The following IFFO2 variants were observed in gnomAD, a reference collection of about 807,000 sequenced individuals.
IFFO2 encodes the protein intermediate filament family orphan 2.
IFFO2 carries 19 observed loss-of-function variants against 53.5 expected under a neutral mutation model. The ratio of observed to expected loss-of-function variants is 0.36; its 90% CI spans 0.25 to 0.52. The LOEUF is 0.52. IFFO2 is among the 20% of genes least tolerant of loss of function. The pLI, the probability that IFFO2 is intolerant of heterozygous loss-of-function variation, is 0.94. For synonymous variants in IFFO2, 303 were observed against 313.6 expected (o/e 0.97, Z 0.36); for missense variants, 570 against 727.4 (o/e 0.78, Z 2.49).
At position 18,935,038 on chromosome 1, in the gene IFFO2, T is replaced by G. The variant is rs570130291; in HGVS notation, c.666-13917A>C. 2.6e-5 allele frequency among the ~76,000 whole-genome samples: 4 copies of G among 152,312 alleles called. No homozygotes were observed. In the East Asian group the frequency reaches 7.7e-4, roughly 29 times the overall value. ...CTCTAAAGAGCCATGTGTGACGTGT[T>G]AGAGAGAACGCTCTCTGGCATTCTC... On this transcript the variant is annotated intron_variant, in intron 1 of 8. Coordinates refer to ENST00000455833, the MANE Select transcript of IFFO2 (RefSeq NM_001136265.2).
At position 18,933,939 on chromosome 1, in the gene IFFO2, G is replaced by A. The variant is rs531520523; in HGVS notation, c.666-12818C>T. On this transcript the variant is annotated intron_variant, in intron 1 of 8. Coordinates refer to ENST00000455833, the MANE Select transcript of IFFO2 (RefSeq NM_001136265.2). ...AGTAGTACCCCGTACCCCTCTCCCC[G>A]CAGCCCCTGGCAACCACCCTTCTAC... Among the ~76,000 whole-genome samples, 7 of 150,098 alleles carry A rather than the reference G, an allele frequency of 4.7e-5. No individual in the cohort carries two copies. In the East Asian group the frequency reaches 5.9e-4, roughly 13 times the overall value.
rs945554670 is a variant in IFFO2, at chr1:18,939,823, T to C, written c.665+15845A>G. On this transcript the variant is annotated intron_variant, in intron 1 of 8. Coordinates refer to ENST00000455833, the MANE Select transcript of IFFO2 (RefSeq NM_001136265.2). ...ATCATGGTTAGACACCAGGAAGCAC[T>C]TCCCAATGGAAAAGGCCACAAGGAC... 5.9e-5 allele frequency among the ~76,000 whole-genome samples: 9 copies of C among 152,290 alleles called. No individual in the cohort carries two copies. The South Asian group carries it at 1.7e-3, about 28-fold the overall frequency.
rs1936608486 is a variant in IFFO2 at position 18,947,731 on chromosome 1, AGCC to A, written c.665+7934_665+7936del. On this transcript the variant is annotated intron_variant, in intron 1 of 8. Transcript: ENST00000455833. This position sits in a 1 kb window ranked among gnomAD's most constrained non-coding sequence, Gnocchi z 5.0. ...GACAGGCCTGCTACAGTGGCCCGGG[AGCC>A]TCATCTGCCTGCTACTGCCAGTGAT... is the stretch of plus-strand genomic sequence containing the variant. 2.0e-5 allele frequency among the ~76,000 whole-genome samples: 3 copies of A among 152,244 alleles called. No homozygotes were observed. The highest frequency in any genetic ancestry group is 2.9e-5 in the Non-Finnish European group (2 of 68,040).
chr1:18,917,417 T>C lies in IFFO2; in HGVS notation c.964-375A>G, dbSNP rs907726234. The stretch of plus-strand genomic sequence containing the variant: ...GAGATGGAGAACCCCTGACAAAGGC[T>C]ATACGGCCCCATGCTGACCAGAGCC... On this transcript the variant is annotated intron_variant, in intron 4 of 8. Coordinates refer to ENST00000455833, the MANE Select transcript of IFFO2 (RefSeq NM_001136265.2). This position sits in a 1 kb window ranked among gnomAD's most constrained non-coding sequence, Gnocchi z 5.9. 6.6e-6 allele frequency among the ~76,000 whole-genome samples: 1 copy of C among 152,134 alleles called. No homozygotes were observed. The highest frequency in any genetic ancestry group is 2.4e-5 in the African/African-American group (1 of 41,438).
rs374822083 is a variant in IFFO2, at chr1:18,917,254, T to C, written c.964-212A>G. On this transcript the variant is annotated intron_variant, in intron 4 of 8. Transcript: ENST00000455833. This position sits in a 1 kb window ranked among gnomAD's most constrained non-coding sequence, Gnocchi z 5.9. The stretch of plus-strand genomic sequence containing the variant: ...GCAGGGGGACACAGACGGCCTGGAC[T>C]CTTCCCTGCCCTGGGCGGCCTGGTG... 1.1e-3 allele frequency among the ~76,000 whole-genome samples: 173 copies of C among 152,320 alleles called. No homozygotes were observed. Among genetic ancestry groups the C allele is most frequent in the African/African-American group, 4.0e-3 (166 of 41,566 alleles).
rs890466723 is a variant in IFFO2 at position 18,920,985 on chromosome 1, C to T, written c.726+76G>A. The T allele has an allele frequency of 1.1e-5, 14 of 1,324,178 alleles. No homozygotes were observed. In the African/African-American group the frequency reaches 1.2e-4, roughly 11 times the overall value. 82.0% of individuals were successfully genotyped at this position (1,324,178 alleles called of 1,614,324 possible). ...CTGTGCAAGAATTTCCTGGCTTTGCCGCATGAAGACTGTGCCCCTTGGCCA... is the reference window on the plus strand; with the variant it reads ...CTGTGCAAGAATTTCCTGGCTTTGCTGCATGAAGACTGTGCCCCTTGGCCA... On this transcript the variant is annotated intron_variant, in intron 2 of 8. Coordinates refer to ENST00000455833, the MANE Select transcript of IFFO2 (RefSeq NM_001136265.2).
At chr1:18,925,627 C>T (rs574578735) in intron 1 of IFFO2, among the ~76,000 whole-genome samples, 3 of 152,328 alleles carry the variant, frequency 2.0e-5, no homozygotes, top group East Asian at 1.9e-4. Context: ...GGTCTCAGGT[C>T]GGGGGTCCAG....
chr1:18,933,759 A>AAAAT (rs1936409762), intron 1 of IFFO2, among the ~76,000 whole-genome samples: 1 of 152,108 alleles, frequency 6.6e-6, no homozygotes, highest in African/African-American at 2.4e-5. Flanking sequence ...CCCTGTCTCA[A>AAAAT]AAATAAATAA....
intron 5 of IFFO2, 145 bp from the exon 6 acceptor site, chr1:18,912,228 C>T (rs1373114266): frequency 3.5e-6 from 3 of 861,444 alleles, no homozygotes; most frequent in Admixed American, 5.6e-5. Flanking sequence ...CCAAAGGGGA[C>T]ATTCGCCTTA....
chr1:18,904,842 G>C lies in IFFO2; in HGVS notation c.*3719C>G, dbSNP rs933792627. 6.6e-6 allele frequency: 1 copy of C among 152,126 alleles called. No homozygotes were observed. The highest frequency in any genetic ancestry group is 2.4e-5 in the African/African-American group (1 of 41,404). 9.4% of individuals were successfully genotyped at this position (152,126 alleles called of 1,614,324 possible). A position where few individuals can be genotyped will look rare whatever the true frequency, so the allele number is the denominator to read the frequency against. On this transcript the variant is annotated 3_prime_UTR_variant, in exon 9 of 9. Transcript: ENST00000455833. ...CCCTGGGGGGAACATAGCAAGGACTGCAGCCCAGGCTTGGCCTGGAGTAGA... is the reference window on the plus strand; with the variant it reads ...CCCTGGGGGGAACATAGCAAGGACTCCAGCCCAGGCTTGGCCTGGAGTAGA...
intron 1 of IFFO2, among the ~76,000 whole-genome samples, chr1:18,926,942 G>C (rs1294409115): frequency 6.6e-6 from 1 of 152,144 alleles, no homozygotes; most frequent in African/African-American, 2.4e-5. Flanking sequence ...CTCCAGGGAC[G>C]AACCTGGGGC....
chr1:18,941,682 CAG>C (rs1376523953), intron 1 of IFFO2, among the ~76,000 whole-genome samples: 1 of 152,180 alleles, frequency 6.6e-6, no homozygotes, highest in Admixed American at 6.5e-5. Context: ...GCATGTGTGG[CAG>C]AGAGTACTTT....
chr1:18,942,584 G>A (rs1209902729), intron 1 of IFFO2, among the ~76,000 whole-genome samples: 3 of 152,190 alleles, frequency 2.0e-5, no homozygotes, highest in East Asian at 1.9e-4. Context: ...TGTCACCTCA[G>A]AGCCAGAGTT....
Position 18,955,718 on chromosome 1 carries a change from G to A in IFFO2, c.615C>T (p.Leu205=). Residue 205 remains leucine, a synonymous_variant, in exon 1 of 9, where the codon CTC becomes CTT. Coordinates refer to ENST00000455833, the MANE Select transcript of IFFO2 (RefSeq NM_001136265.2). ...IDTITPEIRA[L]YNVLAKVKRE... ...GCTTCACCTTGGCCAGCACGTTGTA[G>A]AGCGCGCGGATCTCCGGCGTGATGG... 2 of 1,595,796 alleles carry A rather than the reference G, an allele frequency of 1.3e-6. No homozygotes were observed. The highest frequency in any genetic ancestry group is 2.3e-5 in the East Asian group (1 of 43,612).
At chr1:18,944,070 C>G (rs1936555543) in intron 1 of IFFO2, among the ~76,000 whole-genome samples, 1 of 152,176 alleles carries the variant, frequency 6.6e-6, no homozygotes, top group African/African-American at 2.4e-5. Flanking sequence ...ACCTGGGTTC[C>G]GGCCCCTGCT....
At chr1:18,946,082 G>A (rs758367183) in intron 1 of IFFO2, among the ~76,000 whole-genome samples, 6 of 152,182 alleles carry the variant, frequency 3.9e-5, no homozygotes, top group Non-Finnish European at 7.3e-5. Context: ...GAGAGGACAA[G>A]GCATTGCATG....
rs1344242658 is a variant in IFFO2, at chr1:18,928,190, C to T, written c.666-7069G>A. 6.6e-6 allele frequency among the ~76,000 whole-genome samples: 1 copy of T among 152,178 alleles called. No homozygotes were observed. Among genetic ancestry groups the T allele is most frequent in the Non-Finnish European group, 1.5e-5 (1 of 68,024 alleles). ...GAAAGAGGCCCCCTCCTGCCTGCCC[C>T]AAGCCCCACCCCCTGGGGACACCTG... On this transcript the variant is annotated intron_variant, in intron 1 of 8. Transcript: ENST00000455833. This position sits in a 1 kb window ranked among gnomAD's most constrained non-coding sequence, Gnocchi z 4.9.
At chr1:18,924,403 T>A (rs1424020759) in intron 1 of IFFO2, among the ~76,000 whole-genome samples, 1 of 152,160 alleles carries the variant, frequency 6.6e-6, no homozygotes, top group Non-Finnish European at 1.5e-5. Context: ...GAGTAAGGTT[T>A]CAGTGGGGAG....
intron 1 of IFFO2, among the ~76,000 whole-genome samples, chr1:18,942,042 G>A (rs1936528511): frequency 6.6e-6 from 1 of 152,244 alleles, no homozygotes; most frequent in Non-Finnish European, 1.5e-5. Flanking sequence ...ACCGGGGAGA[G>A]GAAGTGCTCA....
Sources: allele counts gnomAD v4.1 joint callset (sites outside exome capture counted in the v4.1 genomes callset), GRCh38; gene constraint gnomAD v4.1.1; non-coding constraint Gnocchi (gnomAD v3.1); transcripts MANE v1.5; gene names NCBI Gene and HGNC (gene_info 2026-07-23, HGNC 2026-07-21).